The following HAPSTR1 variants were observed in gnomAD, a reference collection of about 807,000 sequenced individuals.
The protein encoded by HAPSTR1 is HUWE1 associated protein modifying stress responses, also known as HUWE1-associated protein modifying stress responses 1.
chr16:9,096,146 T>C, the HAPSTR1 span, among the ~76,000 whole-genome samples: 1 of 152,202 alleles, frequency 6.6e-6, no homozygotes, highest in Non-Finnish European at 1.5e-5. Context: ...TTCACCATTG[T>C]GCTCCTTGAC....
the HAPSTR1 span, chr16:9,093,055 G>A: frequency 6.6e-7 from 1 of 1,513,886 alleles, no homozygotes; most frequent in South Asian, 1.2e-5. Context: ...CTGCGTCAGG[G>A]TGTCTGCCCT....
chr16:9,104,814 A>T, the HAPSTR1 span: 1 of 152,238 alleles, frequency 6.6e-6, no homozygotes, highest in Non-Finnish European at 1.5e-5. Context: ...TTGGGAAAAC[A>T]ATTAACTAGA....
the HAPSTR1 span, among the ~76,000 whole-genome samples, chr16:9,099,276 C>T: frequency 1.3e-4 from 19 of 151,770 alleles, no homozygotes; most frequent in Non-Finnish European, 2.8e-4. Context: ...TGGCTCATTG[C>T]AACCTCTGCT....
chr16:9,092,601 G>C, the HAPSTR1 span, among the ~76,000 whole-genome samples: 1 of 152,104 alleles, frequency 6.6e-6, no homozygotes, highest in East Asian at 1.9e-4. Context: ...GGCGAAGGGA[G>C]ACGGCGGGGC....
At chr16:9,115,194 C>T in the HAPSTR1 span, among the ~76,000 whole-genome samples, 2 of 152,070 alleles carry the variant, frequency 1.3e-5, no homozygotes, top group African/African-American at 4.8e-5. Context: ...AGGGGAACGC[C>T]AAGGGGAATG....
At chr16:9,106,834 G>GTTGAA in the HAPSTR1 span, 7 of 152,186 alleles carry the variant, frequency 4.6e-5, no homozygotes, top group African/African-American at 1.7e-4. Flanking sequence ...TTTCCCAAGA[G>GTTGAA]TTGAATTAAT....
the HAPSTR1 span, chr16:9,113,032 T>C: frequency 6.6e-6 from 1 of 150,918 alleles, no homozygotes; most frequent in Non-Finnish European, 1.5e-5. Flanking sequence ...TTTTTGTTTT[T>C]TTTTGTTTTT....
the HAPSTR1 span, among the ~76,000 whole-genome samples, chr16:9,096,332 TTCTG>T: frequency 2.0e-5 from 3 of 152,228 alleles, no homozygotes; most frequent in Non-Finnish European, 4.4e-5. Context: ...ATAGTTTATT[TTCTG>T]TCTTTTTAAA....
At chr16:9,092,317 GGGCCCGGCCCC>G in the HAPSTR1 span, 15 of 1,428,114 alleles carry the variant, frequency 1.1e-5, no homozygotes, top group South Asian at 2.1e-4. Flanking sequence ...GCCCCCGCCC[GGGCCCGGCCCC>G]GGCCCTATCG....
At chr16:9,097,452 A>G in the HAPSTR1 span, among the ~76,000 whole-genome samples, 2 of 152,154 alleles carry the variant, frequency 1.3e-5, no homozygotes, top group Admixed American at 1.3e-4. Flanking sequence ...CATGTTGCCC[A>G]GGCTGGTCTC....
At chr16:9,117,589 T>G in the HAPSTR1 span, 1 of 152,810 alleles carries the variant, frequency 6.5e-6, no homozygotes, top group African/African-American at 2.4e-5. Context: ...AGTAGCAGTA[T>G]TATTATTAAA....
chr16:9,096,023 G>A, the HAPSTR1 span, among the ~76,000 whole-genome samples: 1 of 152,214 alleles, frequency 6.6e-6, no homozygotes, highest in Non-Finnish European at 1.5e-5. Flanking sequence ...TAGGGTTGAT[G>A]TTTACCCAGT....
chr16:9,098,698 G>C, the HAPSTR1 span, among the ~76,000 whole-genome samples: 1 of 152,166 alleles, frequency 6.6e-6, no homozygotes, highest in East Asian at 1.9e-4. Context: ...TCTGTGTGGT[G>C]GACTGGCTAG....
At chr16:9,111,733 A>T in the HAPSTR1 span, 5 of 152,234 alleles carry the variant, frequency 3.3e-5, no homozygotes, top group Non-Finnish European at 7.3e-5. Flanking sequence ...CACTGATTTT[A>T]TGATTAATTT....
the HAPSTR1 span, among the ~76,000 whole-genome samples, chr16:9,099,627 T>G: frequency 6.6e-6 from 1 of 152,176 alleles, no homozygotes; most frequent in Admixed American, 6.5e-5. Flanking sequence ...TTCTGTAAAA[T>G]AGTGTTGGAC....
the HAPSTR1 span, among the ~76,000 whole-genome samples, chr16:9,096,713 G>C: frequency 1.3e-5 from 2 of 152,128 alleles, no homozygotes; most frequent in South Asian, 2.1e-4. Context: ...CCTTAGTGTG[G>C]ATTACAGTGA....
chr16:9,106,461 G>C, the HAPSTR1 span: 1 of 152,046 alleles, frequency 6.6e-6, no homozygotes, highest in African/African-American at 2.4e-5. Context: ...TGTATTTGTA[G>C]TAGAGATGGG....
chr16:9,107,979 A>T, the HAPSTR1 span: 1 of 152,052 alleles, frequency 6.6e-6, no homozygotes, highest in Admixed American at 6.6e-5. Context: ...CACAGTGGGG[A>T]CCCAGAACCT....
At chr16:9,091,813 G>T in the HAPSTR1 span, 3 of 392,128 alleles carry the variant, frequency 7.7e-6, no homozygotes, top group Admixed American at 1.3e-4. Flanking sequence ...GCGACCTTCG[G>T]CCGGGCCCGG....
Sources: allele counts gnomAD v4.1 joint callset (sites outside exome capture counted in the v4.1 genomes callset), GRCh38; gene constraint gnomAD v4.1.1; transcripts MANE v1.5; gene names NCBI Gene and HGNC (gene_info 2026-07-23, HGNC 2026-07-21).